Variants in MGAT4A observed in about 807,000 individuals in gnomAD.
MGAT4A encodes the protein alpha-1,3-mannosyl-glycoprotein 4-beta-N-acetylglucosaminyltransferase A, also known as N-acetylglucosaminyltransferase IVa.
MGAT4A carries 33 observed loss-of-function variants against 74.1 expected under a neutral mutation model. That is an observed-to-expected ratio of 0.45 (90% CI 0.34 to 0.60). The LOEUF (loss-of-function observed/expected upper bound fraction) is 0.60. MGAT4A is among the 20% of genes least tolerant of loss of function. MGAT4A has a pLI of 0.02. For missense variants in MGAT4A, 479 were observed against 628.3 expected, an observed-to-expected ratio of 0.76 and a Z score of 2.54; for synonymous variants, 198 against 210.4, an observed-to-expected ratio of 0.94 and a Z score of 0.51.
At position 98,623,563 on chromosome 2, in the gene MGAT4A, A is replaced by C; in HGVS notation, c.*2003T>G. On this transcript the variant is annotated 3_prime_UTR_variant, in exon 16 of 16. Coordinates refer to ENST00000393487, the MANE Select transcript of MGAT4A (RefSeq NM_012214.3). ...GAAATTTGCTCATGGGCACTGGGCC[A>C]AGGAAATTTGAGAAGAAAAAAATTC... 1.0e-6 allele frequency: 1 copy of C among 985,470 alleles called. No homozygotes were observed. The highest frequency in any genetic ancestry group is 1.2e-6 in the Non-Finnish European group (1 of 829,934). The allele number at this position is 985,470 out of a possible 1,614,324, so 61.0% of individuals were successfully genotyped here.
intron 2 of MGAT4A, among the ~76,000 whole-genome samples, chr2:98,699,443 A>G (rs1702320947): frequency 6.6e-6 from 1 of 152,160 alleles, no homozygotes; most frequent in Non-Finnish European, 1.5e-5. Context: ...GCTTTCTGAT[A>G]ATTAGCAGTC....
At chr2:98,701,088 G>C (rs1341427310) in intron 2 of MGAT4A, among the ~76,000 whole-genome samples, 8 of 151,980 alleles carry the variant, frequency 5.3e-5, no homozygotes, top group Admixed American at 5.2e-4. Context: ...TATAAAAATG[G>C]TCTTCACTTC....
Position 98,621,694 on chromosome 2 carries a change from T to C in MGAT4A, c.*3872A>G. On this transcript the variant is annotated 3_prime_UTR_variant, in exon 16 of 16. Transcript: ENST00000393487. ...ATTTGCCTACCACAAATATACACTGTTATTCACTAGAATAATCTCTCCAAA... is the reference window on the plus strand; with the variant it reads ...ATTTGCCTACCACAAATATACACTGCTATTCACTAGAATAATCTCTCCAAA... 7.2e-7 allele frequency: 1 copy of C among 1,382,868 alleles called. No individual in the cohort carries two copies. Among genetic ancestry groups the C allele is most frequent in the Non-Finnish European group, 9.4e-7 (1 of 1,068,754 alleles). 85.7% of individuals were successfully genotyped at this position (1,382,868 alleles called of 1,614,324 possible).
At chr2:98,666,081 A>G (rs746258498) in intron 4 of MGAT4A, among the ~76,000 whole-genome samples, 1 of 152,238 alleles carries the variant, frequency 6.6e-6, no homozygotes, top group Non-Finnish European at 1.5e-5. Context: ...AAAAAGTAAA[A>G]GCACTTTGGA....
At chr2:98,680,034 GA>G (rs1299067800) in intron 2 of MGAT4A, among the ~76,000 whole-genome samples, 1 of 138,770 alleles carries the variant, frequency 7.2e-6, no homozygotes, top group Non-Finnish European at 1.6e-5. Context: ...ACAAACCTTA[GA>G]AAGGCTTTTT....
intron 14 of MGAT4A, among the ~76,000 whole-genome samples, chr2:98,629,699 T>C (rs980490095): frequency 2.0e-5 from 3 of 152,146 alleles, no homozygotes; most frequent in Non-Finnish European, 4.4e-5. Flanking sequence ...AATTACAATA[T>C]GCTGATACAA....
At chr2:98,649,342 G>A (rs1431187751) in intron 8 of MGAT4A, among the ~76,000 whole-genome samples, 2 of 152,068 alleles carry the variant, frequency 1.3e-5, no homozygotes, top group East Asian at 1.9e-4. Context: ...TTCCCCACAC[G>A]AGACACAGAT....
chr2:98,691,915 C>G (rs1399729741), intron 2 of MGAT4A, among the ~76,000 whole-genome samples: 1 of 151,738 alleles, frequency 6.6e-6, no homozygotes. Flanking sequence ...TCCTTTTTAA[C>G]AACAATGTTT....
chr2:98,727,993 C>G (rs1702790123), intron 1 of MGAT4A, among the ~76,000 whole-genome samples: 1 of 152,178 alleles, frequency 6.6e-6, no homozygotes, highest in African/African-American at 2.4e-5. Context: ...CTACACTTTC[C>G]CTCTCAAATG....
intron 14 of MGAT4A, among the ~76,000 whole-genome samples, chr2:98,631,955 GA>G (rs1200484384): frequency 6.6e-6 from 1 of 151,918 alleles, no homozygotes; most frequent in Non-Finnish European, 1.5e-5. Flanking sequence ...ACCAAAAATA[GA>G]AAAATGAGCC....
chr2:98,676,697 C>T (rs1003373487), intron 3 of MGAT4A, among the ~76,000 whole-genome samples: 1 of 152,108 alleles, frequency 6.6e-6, no homozygotes, highest in African/African-American at 2.4e-5. Context: ...ATAGCTGGCA[C>T]ATTCACAGCC....
At chr2:98,663,720 A>C (rs1021800907) in intron 4 of MGAT4A, among the ~76,000 whole-genome samples, 1 of 152,234 alleles carries the variant, frequency 6.6e-6, no homozygotes, top group African/African-American at 2.4e-5. Context: ...CGATTGGAAA[A>C]GACTAAGGAA....
chr2:98,647,539 G>A (rs565978959), intron 8 of MGAT4A, among the ~76,000 whole-genome samples: 8 of 152,198 alleles, frequency 5.3e-5, no homozygotes, highest in East Asian at 3.9e-4. Flanking sequence ...GGCTGGTCTC[G>A]AACCCTTGAC....
chr2:98,713,185 C>CAAA (rs139508612), intron 2 of MGAT4A, among the ~76,000 whole-genome samples: 27 of 54,210 alleles, frequency 5.0e-4, no homozygotes, highest in Non-Finnish European at 6.7e-4. Flanking sequence ...GATCATGTCT[C>CAAA]AAAAAAAAAA....
At chr2:98,667,664 G>A (rs1243756966) in intron 4 of MGAT4A, among the ~76,000 whole-genome samples, 2 of 152,112 alleles carry the variant, frequency 1.3e-5, no homozygotes, top group Non-Finnish European at 2.9e-5. Flanking sequence ...GCATTCAAGA[G>A]GTGACTTGGG....
chr2:98,720,054 AAT>A (rs1466005209), intron 2 of MGAT4A, among the ~76,000 whole-genome samples: 2 of 152,250 alleles, frequency 1.3e-5, no homozygotes, highest in Admixed American at 6.5e-5. Flanking sequence ...AGTGGCATCA[AAT>A]ATAAACTATT....
At chr2:98,693,654 G>A (rs1016745775) in intron 2 of MGAT4A, among the ~76,000 whole-genome samples, 8 of 149,354 alleles carry the variant, frequency 5.4e-5, no homozygotes, top group Non-Finnish European at 1.0e-4. Context: ...GCTGTAGTGA[G>A]CTGTGACAGA....
intron 2 of MGAT4A, among the ~76,000 whole-genome samples, chr2:98,685,238 TAAAA>T (rs79947111): frequency 2.2e-5 from 3 of 133,466 alleles, no homozygotes; most frequent in Non-Finnish European, 3.2e-5. Context: ...CCCTGTCTCT[TAAAA>T]AAAAAAAAAA....
chr2:98,672,525 C>CT (rs1456019426), intron 4 of MGAT4A, among the ~76,000 whole-genome samples: 1 of 152,194 alleles, frequency 6.6e-6, no homozygotes, highest in Non-Finnish European at 1.5e-5. Flanking sequence ...TTGCTCTACC[C>CT]TGAATGGGCC....
Sources: allele counts gnomAD v4.1 joint callset (sites outside exome capture counted in the v4.1 genomes callset), GRCh38; gene constraint gnomAD v4.1.1; transcripts MANE v1.5; gene names NCBI Gene and HGNC (gene_info 2026-07-23, HGNC 2026-07-21).